PRKN: variants seen among roughly 807,000 people sequenced by gnomAD.
PRKN encodes parkin RBR E3 ubiquitin protein ligase.
A neutral mutation model predicts 59.5 loss-of-function variants in PRKN; 56 were observed. The ratio of observed to expected loss-of-function variants is 0.94; its 90% confidence interval spans 0.76 to 1.18. PRKN has a LOEUF of 1.18. Among genes scored for constraint, PRKN ranks in the 50% most tolerant of loss-of-function variants. The pLI is 0.00. For missense variants in PRKN, 657 were observed against 596.4 expected (o/e 1.10, Z -1.06); for synonymous variants, 250 against 222.1 (o/e 1.13, Z -1.12).
intron 4 of PRKN, among the ~76,000 whole-genome samples, chr6:162,174,241 T>C (rs1783428730): frequency 6.6e-6 from 1 of 152,198 alleles, no homozygotes; most frequent in Non-Finnish European, 1.5e-5. Context: ...TACTTACACA[T>C]ATAGAAAATT....
At chr6:162,549,647 T>G (rs1779256241) in intron 1 of PRKN, among the ~76,000 whole-genome samples, 1 of 151,158 alleles carries the variant, frequency 6.6e-6, no homozygotes, top group Non-Finnish European at 1.5e-5. Context: ...ATCTTTTTTT[T>G]TTTTTTTTTT....
chr6:162,613,665 G>A (rs946494783), intron 1 of PRKN, among the ~76,000 whole-genome samples: 10 of 152,068 alleles, frequency 6.6e-5, no homozygotes, highest in African/African-American at 2.2e-4. Context: ...TACATAAAGA[G>A]AACTCCCCTA....
chr6:161,852,925 G>T (rs1793497431), intron 6 of PRKN, among the ~76,000 whole-genome samples: 1 of 152,160 alleles, frequency 6.6e-6, no homozygotes, highest in Non-Finnish European at 1.5e-5. Flanking sequence ...CCAGAGAAAT[G>T]AGATGAGCTA....
intron 5 of PRKN, among the ~76,000 whole-genome samples, chr6:162,013,755 C>A (rs1400200320): frequency 1.3e-5 from 2 of 152,050 alleles, no homozygotes; most frequent in African/African-American, 4.8e-5. Context: ...ATAGAAATGA[C>A]AACTCAGAAC....
chr6:161,831,375 G>A (rs1401636754), intron 6 of PRKN, among the ~76,000 whole-genome samples: 2 of 152,140 alleles, frequency 1.3e-5, no homozygotes, highest in Non-Finnish European at 1.5e-5. Context: ...ACAGATCATC[G>A]GCTTCCTCCT....
chr6:161,519,414 T>A (rs1583182077), intron 9 of PRKN, among the ~76,000 whole-genome samples: 1 of 89,658 alleles, frequency 1.1e-5, no homozygotes, highest in Admixed American at 1.0e-4. Context: ...TCCTCCAGAC[T>A]TTTACTGGTC....
chr6:162,584,086 G>A (rs989715860), intron 1 of PRKN, among the ~76,000 whole-genome samples: 3 of 152,070 alleles, frequency 2.0e-5, no homozygotes, highest in Non-Finnish European at 4.4e-5. Context: ...GGTGGCAGAT[G>A]CCTGTGGTCC....
intron 2 of PRKN, among the ~76,000 whole-genome samples, chr6:162,357,875 A>C (rs372990959): frequency 1.2e-3 from 186 of 152,356 alleles, no homozygotes; most frequent in South Asian, 8.5e-3. Flanking sequence ...ATATAGAAGC[A>C]GTGAAAGATC....
At chr6:161,511,145 A>T (rs1778373632) in intron 9 of PRKN, among the ~76,000 whole-genome samples, 1 of 152,230 alleles carries the variant, frequency 6.6e-6, no homozygotes, top group Non-Finnish European at 1.5e-5. Context: ...CTAGGAAGAA[A>T]AATAAATGTT....
chr6:162,125,814 G>C (rs1025921242), intron 4 of PRKN, among the ~76,000 whole-genome samples: 3 of 152,166 alleles, frequency 2.0e-5, no homozygotes, highest in African/African-American at 7.2e-5. Flanking sequence ...GAATGAAGGT[G>C]TAAATGGCTG....
rs569911309 is a variant in PRKN, at chr6:161,946,742, A to G, written c.734+26560T>C. 2.4e-4 allele frequency among the ~76,000 whole-genome samples: 36 copies of G among 152,268 alleles called. No individual in the cohort carries two copies. In the South Asian group the frequency reaches 2.5e-3, roughly 11 times the overall value. ...GGCAAGGCTGTAAAGATACATGTAC[A>G]CTGCTGTTAATCCCAACATTTGGAG... On this transcript the variant is annotated intron_variant, in intron 6 of 11. Transcript: ENST00000366898.
At chr6:162,298,277 A>C (rs867396006) in intron 2 of PRKN, among the ~76,000 whole-genome samples, 4 of 151,700 alleles carry the variant, frequency 2.6e-5, no homozygotes, top group Non-Finnish European at 5.9e-5. Flanking sequence ...ACCCTCTAGG[A>C]TTTACCATCC....
chr6:162,570,247 A>T (rs1780264637), intron 1 of PRKN, among the ~76,000 whole-genome samples: 1 of 152,228 alleles, frequency 6.6e-6, no homozygotes, highest in Admixed American at 6.5e-5. Context: ...AATCAAAACT[A>T]CAATGAGCTA....
At chr6:162,718,720 A>T (rs935754522) in intron 1 of PRKN, among the ~76,000 whole-genome samples, 2 of 152,146 alleles carry the variant, frequency 1.3e-5, no homozygotes, top group Admixed American at 6.5e-5. Flanking sequence ...CTCAAAAAAA[A>T]AAAAATTTAT....
rs907402668 is a variant in PRKN at position 161,446,982 on chromosome 6, C to CT, written c.1084-60106dup. Reference sequence around the variant, plus strand: ...TATCCTTCCCAGGTGAAAAAGTGGGCTTTTTTTCCCCCTTAAGGCTAAATA... The same window carrying CT: ...TATCCTTCCCAGGTGAAAAAGTGGGCTTTTTTTTCCCCCTTAAGGCTAAATA... On this transcript the variant is annotated intron_variant, in intron 9 of 11. Coordinates refer to ENST00000366898, the MANE Select transcript of PRKN (RefSeq NM_004562.3). This position sits in a 1 kb window ranked among gnomAD's most constrained non-coding sequence, Gnocchi z 6.2. Among the ~76,000 whole-genome samples the CT allele has an allele frequency of 6.6e-6, 1 of 152,148 alleles. No individual in the cohort carries two copies. Among genetic ancestry groups the CT allele is most frequent in the African/African-American group, 2.4e-5 (1 of 41,436 alleles).
intron 7 of PRKN, among the ~76,000 whole-genome samples, chr6:161,651,308 T>C (rs1201092447): frequency 6.6e-6 from 1 of 152,230 alleles, no homozygotes; most frequent in Non-Finnish European, 1.5e-5. Flanking sequence ...GTACTCTTCT[T>C]GGTCCCAGCA....
chr6:161,762,943 G>A (rs1291400830), intron 7 of PRKN, among the ~76,000 whole-genome samples: 1 of 152,096 alleles, frequency 6.6e-6, no homozygotes, highest in East Asian at 1.9e-4. Context: ...AAAAAATGGA[G>A]AGAACATGAA....
intron 1 of PRKN, among the ~76,000 whole-genome samples, chr6:162,478,008 C>G (rs1245781092): frequency 6.6e-6 from 1 of 152,068 alleles, no homozygotes; most frequent in Non-Finnish European, 1.5e-5. Context: ...GCGCAGGGTC[C>G]TAGAGCACAG....
chr6:162,539,211 A>G (rs1224028248), intron 1 of PRKN, among the ~76,000 whole-genome samples: 1 of 152,208 alleles, frequency 6.6e-6, no homozygotes, highest in Non-Finnish European at 1.5e-5. Flanking sequence ...ACGAGAATGA[A>G]TGTATAGGAA....
Sources: gnomAD v4.1 joint callset for allele counts (sites outside exome capture counted in the v4.1 genomes callset) on GRCh38, gnomAD v4.1.1 for gene constraint, Gnocchi (gnomAD v3.1) non-coding constraint, MANE v1.5 for transcripts, NCBI Gene and HGNC (gene_info 2026-07-23, HGNC 2026-07-21) for gene names.